The following CTNNA1 variants were observed in gnomAD, a reference collection of about 807,000 sequenced individuals.
CTNNA1 encodes catenin alpha 1.
CTNNA1 carries 37 observed loss-of-function variants against 98.4 expected under a neutral mutation model. The ratio of observed to expected loss-of-function variants is 0.38; its 90% CI spans 0.29 to 0.49. The LOEUF is 0.49. CTNNA1 is among the 20% of genes least tolerant of loss of function. The probability of loss-of-function intolerance (pLI) is 0.95; values close to 1 mark genes in which losing one functional copy is unlikely to be tolerated. For missense variants in CTNNA1, 761 were observed against 1,147.2 expected (o/e 0.66, Z 4.86); for synonymous variants, 404 against 413.2 (o/e 0.98, Z 0.27).
At chr5:138,906,828 T>C (rs907628842) in intron 10 of CTNNA1, among the ~76,000 whole-genome samples, 1 of 152,172 alleles carries the variant, frequency 6.6e-6, no homozygotes, top group African/African-American at 2.4e-5. Flanking sequence ...CTGGGCTCAT[T>C]GCTACTCTTG....
chr5:138,757,128 G>T (rs1317384635), intron 1 of CTNNA1, among the ~76,000 whole-genome samples: 1 of 152,048 alleles, frequency 6.6e-6, no homozygotes, highest in Non-Finnish European at 1.5e-5. Flanking sequence ...GAGCTTGGGA[G>T]GTGGAGGTTG....
intron 3 of CTNNA1, among the ~76,000 whole-genome samples, chr5:138,790,549 T>C (rs1306344042): frequency 6.6e-6 from 1 of 152,212 alleles, no homozygotes; most frequent in Admixed American, 6.5e-5. Flanking sequence ...TCTCTGTTGA[T>C]TTGTTGAAGC....
At chr5:138,908,929 G>C (rs1263123250) in intron 10 of CTNNA1, among the ~76,000 whole-genome samples, 3 of 152,108 alleles carry the variant, frequency 2.0e-5, no homozygotes, top group Non-Finnish European at 4.4e-5. Flanking sequence ...GGTTTGGGAA[G>C]AGACCAGAAT....
At chr5:138,848,731 A>C (rs923826639) in intron 7 of CTNNA1, among the ~76,000 whole-genome samples, 1 of 152,040 alleles carries the variant, frequency 6.6e-6, no homozygotes, top group Admixed American at 6.6e-5. Flanking sequence ...TGGGCCTGGC[A>C]TACTTTTTTT....
chr5:138,819,881 C>G (rs1759849572), intron 5 of CTNNA1, among the ~76,000 whole-genome samples: 1 of 151,226 alleles, frequency 6.6e-6, no homozygotes, highest in African/African-American at 2.4e-5. Context: ...GGGGGGATTT[C>G]CCCCTTGCTG....
intron 1 of CTNNA1, among the ~76,000 whole-genome samples, chr5:138,758,844 G>A (rs912312078): frequency 4.0e-5 from 6 of 150,122 alleles, no homozygotes; most frequent in Non-Finnish European, 5.9e-5. Flanking sequence ...TTTTGCTCTC[G>A]TTGCCCGGAC....
rs28363404 is a variant in CTNNA1, at chr5:138,824,322, G to C, written c.589-208G>C. Among the ~76,000 whole-genome samples, 1,100 of 152,232 alleles carry C rather than the reference G, an allele frequency of 7.2e-3. 16 individuals carry two copies. The highest frequency in any genetic ancestry group is 0.025 in the African/African-American group (1,030 of 41,530). Reference sequence around the variant, plus strand: ...TAGAAGTGGGTGTGGGGTGGATTCAGATCTAGGTCTGTGTGATTCCAAAGC... The same window carrying C: ...TAGAAGTGGGTGTGGGGTGGATTCACATCTAGGTCTGTGTGATTCCAAAGC... On this transcript the variant is annotated intron_variant, in intron 5 of 17. Coordinates refer to ENST00000302763, the MANE Select transcript of CTNNA1 (RefSeq NM_001903.5).
intron 7 of CTNNA1, among the ~76,000 whole-genome samples, chr5:138,851,163 CAT>C (rs1306618184): frequency 6.6e-6 from 1 of 152,180 alleles, no homozygotes; most frequent in East Asian, 1.9e-4. Context: ...CTGTGTAGAA[CAT>C]ATCATGGATG....
rs768547710 is a variant in CTNNA1 at position 138,873,951 on chromosome 5, A to G, written c.1063-12261A>G. 3 of 1,614,014 alleles carry G rather than the reference A, an allele frequency of 1.9e-6. No individual in the cohort carries two copies. The highest frequency in any genetic ancestry group is 2.5e-6 in the Non-Finnish European group (3 of 1,179,892). ...AGGTGAAGCTCTCTCAGTTTAATTA[A>G]TCCTGCAAATCCATTGCGAGCCAAA... On this transcript the variant is annotated intron_variant, in intron 7 of 17. Transcript: ENST00000302763. The surrounding 1 kb of genome is among the most constrained non-coding windows in gnomAD (Gnocchi z 6.1).
chr5:138,914,775 C>T (rs1415725627), intron 10 of CTNNA1, among the ~76,000 whole-genome samples: 2 of 152,164 alleles, frequency 1.3e-5, no homozygotes, highest in African/African-American at 4.8e-5. Flanking sequence ...CCACTCAGGG[C>T]TGCCCCCACA....
intron 1 of CTNNA1, among the ~76,000 whole-genome samples, chr5:138,770,979 G>A (rs1580905639): frequency 6.6e-6 from 1 of 150,750 alleles, no homozygotes; most frequent in African/African-American, 2.4e-5. Context: ...AAAAACAAAC[G>A]AACAAAAAAC....
intron 3 of CTNNA1, among the ~76,000 whole-genome samples, chr5:138,789,242 T>C (rs1756078009): frequency 6.6e-6 from 1 of 151,708 alleles, no homozygotes; most frequent in Non-Finnish European, 1.5e-5. Flanking sequence ...ATTAATAGCA[T>C]GAGTGGCAGA....
intron 7 of CTNNA1, chr5:138,880,041 G>A (rs878948719): frequency 6.6e-6 from 1 of 152,162 alleles, no homozygotes; most frequent in Non-Finnish European, 1.5e-5. Flanking sequence ...CGTCTAAGTT[G>A]GGCATTAGGT....
chr5:138,766,411 G>A (rs1752943031), intron 1 of CTNNA1, among the ~76,000 whole-genome samples: 1 of 151,534 alleles, frequency 6.6e-6, no homozygotes, highest in Non-Finnish European at 1.5e-5. Flanking sequence ...GGAGTTTTTG[G>A]CTTCATCCTG....
Position 138,932,932 on chromosome 5 carries a change from T to G in CTNNA1, c.2433+220T>G, listed in dbSNP as rs374287695. 4.5e-5 allele frequency: 35 copies of G among 782,494 alleles called. No individual in the cohort carries two copies. Among genetic ancestry groups the G allele is most frequent in the Non-Finnish European group, 6.5e-5 (28 of 433,786 alleles). The allele number at this position is 782,494 out of a possible 1,614,324, so 48.5% of individuals were successfully genotyped here. On this transcript the variant is annotated intron_variant, in intron 17 of 17. Transcript: ENST00000302763. ...CACTGCAAGGGCTGAAAGGCTGGCC[T>G]CCTCCCCTTTGCTGGCCACTCACTG...
intron 5 of CTNNA1, among the ~76,000 whole-genome samples, chr5:138,813,693 A>G (rs1759089863): frequency 6.6e-6 from 1 of 152,166 alleles, no homozygotes; most frequent in Non-Finnish European, 1.5e-5. Flanking sequence ...TGGTGGCATC[A>G]TGTAACCTCG....
chr5:138,753,562 A>G (rs1400907921), intron 1 of CTNNA1, 52 bp downstream of exon 1: 2 of 354,606 alleles, frequency 5.6e-6, no homozygotes, highest in Non-Finnish European at 1.0e-5. Context: ...CCAGGCCGAG[A>G]GGGTCCTTGG....
At chr5:138,807,939 C>T (rs943318953) in intron 3 of CTNNA1, among the ~76,000 whole-genome samples, 11 of 151,820 alleles carry the variant, frequency 7.2e-5, no homozygotes, top group African/African-American at 1.9e-4. Flanking sequence ...TTAGTAGAGA[C>T]GGAGTTTCAC....
At chr5:138,767,525 C>T (rs968994567) in intron 1 of CTNNA1, among the ~76,000 whole-genome samples, 5 of 152,196 alleles carry the variant, frequency 3.3e-5, no homozygotes, top group South Asian at 2.1e-4. Context: ...ATTTGGGGAC[C>T]GTCTTTTGGG....
Sources: gnomAD v4.1 joint callset for allele counts (sites outside exome capture counted in the v4.1 genomes callset) on GRCh38, gnomAD v4.1.1 for gene constraint, Gnocchi (gnomAD v3.1) non-coding constraint, MANE v1.5 for transcripts, NCBI Gene and HGNC (gene_info 2026-07-23, HGNC 2026-07-21) for gene names.